Variants in NFIB observed in about 807,000 individuals in gnomAD.
NFIB encodes nuclear factor I B.
A neutral mutation model predicts 61.5 loss-of-function variants in NFIB; 11 were observed. That is an observed-to-expected ratio of 0.18 (90% confidence interval 0.11 to 0.30). The LOEUF (loss-of-function observed/expected upper bound fraction) is 0.30, where lower values mean the gene tolerates loss of function less well. NFIB is among the 10% of genes least tolerant of loss of function. NFIB has a pLI of 1.00. For missense variants in NFIB, 471 were observed against 608.9 expected, an observed-to-expected ratio of 0.77 and a Z score of 2.38; for synonymous variants, 260 against 216.5, an observed-to-expected ratio of 1.20 and a Z score of -1.76.
intron 2 of NFIB, among the ~76,000 whole-genome samples, chr9:14,231,298 G>C (rs1287457112): frequency 6.6e-6 from 1 of 151,608 alleles, no homozygotes; most frequent in Non-Finnish European, 1.5e-5. Context: ...GTGTGAGAGA[G>C]ACAGAGAGAG....
At chr9:14,184,842 G>A (rs2047169492) in intron 2 of NFIB, among the ~76,000 whole-genome samples, 1 of 152,106 alleles carries the variant, frequency 6.6e-6, no homozygotes, top group Admixed American at 6.6e-5. Context: ...CCAACGTGGT[G>A]AAACCCCGTC....
intron 1 of NFIB, among the ~76,000 whole-genome samples, chr9:14,360,069 A>G (rs2061220395): frequency 6.6e-6 from 1 of 152,262 alleles, no homozygotes; most frequent in Non-Finnish European, 1.5e-5. Flanking sequence ...TTAAATACAT[A>G]TAGTTGTTAT....
chr9:14,454,364 G>A, the NFIB span, among the ~76,000 whole-genome samples: 1 of 152,302 alleles, frequency 6.6e-6, no homozygotes, highest in African/African-American at 2.4e-5. Context: ...TGCTAATTCT[G>A]CTCATCTTGG....
chr9:14,467,053 A>C, the NFIB span, among the ~76,000 whole-genome samples: 7 of 152,286 alleles, frequency 4.6e-5, no homozygotes, highest in African/African-American at 1.7e-4. Flanking sequence ...GGGCAGGAGA[A>C]CCAGCAAAAG....
At chr9:14,470,170 G>A in the NFIB span, among the ~76,000 whole-genome samples, 1 of 152,158 alleles carries the variant, frequency 6.6e-6, no homozygotes, top group African/African-American at 2.4e-5. Flanking sequence ...GTTCATGCAG[G>A]TGAGGAGCTG....
At chr9:14,406,510 T>C in the NFIB span, among the ~76,000 whole-genome samples, 1 of 152,132 alleles carries the variant, frequency 6.6e-6, no homozygotes, top group Non-Finnish European at 1.5e-5. Context: ...GTGCTTTGAG[T>C]TCTCTTTCTT....
intron 10 of NFIB, among the ~76,000 whole-genome samples, chr9:14,098,851 G>A (rs2035290433): frequency 1.3e-5 from 2 of 152,194 alleles, no homozygotes; most frequent in African/African-American, 2.4e-5. Context: ...AAATTTTAAG[G>A]TCAAAACAAC....
intron 1 of NFIB, among the ~76,000 whole-genome samples, chr9:14,340,523 A>G (rs1219015055): frequency 6.6e-6 from 1 of 152,186 alleles, no homozygotes; most frequent in Non-Finnish European, 1.5e-5. Flanking sequence ...TGGGGTTGGG[A>G]GCCAACTCAG....
chr9:14,091,492 A>G (rs1201325330), intron 10 of NFIB, among the ~76,000 whole-genome samples: 1 of 152,092 alleles, frequency 6.6e-6, no homozygotes, highest in African/African-American at 2.4e-5. Context: ...AAAATGCTTA[A>G]TAGTTTTAAT....
the NFIB span, among the ~76,000 whole-genome samples, chr9:14,434,337 T>A: frequency 6.6e-6 from 1 of 152,170 alleles, no homozygotes; most frequent in Non-Finnish European, 1.5e-5. Flanking sequence ...CAATAATGGA[T>A]ATGGATTTCC....
At chr9:14,114,263 C>G (rs1450704158) in intron 9 of NFIB, among the ~76,000 whole-genome samples, 1 of 152,166 alleles carries the variant, frequency 6.6e-6, no homozygotes. Flanking sequence ...AGGCAGCCAT[C>G]AGCAACCAGT....
chr9:14,458,408 T>A, the NFIB span, among the ~76,000 whole-genome samples: 1 of 152,066 alleles, frequency 6.6e-6, no homozygotes, highest in Non-Finnish European at 1.5e-5. Flanking sequence ...ACAGCCAATA[T>A]CATACTGAAT....
chr9:14,100,897 T>G (rs2035679918), intron 10 of NFIB, among the ~76,000 whole-genome samples: 1 of 152,228 alleles, frequency 6.6e-6, no homozygotes, highest in African/African-American at 2.4e-5. Context: ...TGGTTTGCAA[T>G]TGTTATAAAT....
the NFIB span, among the ~76,000 whole-genome samples, chr9:14,529,602 T>C: frequency 2.0e-5 from 3 of 152,302 alleles, no homozygotes; most frequent in Admixed American, 6.5e-5. Flanking sequence ...AATGTATTAC[T>C]AAAGATAAGC....
the NFIB span, among the ~76,000 whole-genome samples, chr9:14,438,040 G>A: frequency 2.8e-4 from 42 of 151,500 alleles, 1 homozygote; most frequent in Middle Eastern, 0.017. Flanking sequence ...GCGCGTATGT[G>A]CGTGCGTGTG....
At chr9:14,466,326 CTT>C in the NFIB span, among the ~76,000 whole-genome samples, 1 of 152,110 alleles carries the variant, frequency 6.6e-6, no homozygotes, top group Admixed American at 6.6e-5. Context: ...GCGGACGTGT[CTT>C]TTCTTATTTT....
intron 1 of NFIB, among the ~76,000 whole-genome samples, chr9:14,354,647 T>A (rs1181176557): frequency 6.6e-6 from 1 of 152,160 alleles, no homozygotes; most frequent in Non-Finnish European, 1.5e-5. Flanking sequence ...GGGGAATAAT[T>A]ATGTAGTCGC....
rs540683703 is a variant in NFIB at position 14,162,869 on chromosome 9, G to A, written c.617-6976C>T. 2.6e-5 allele frequency among the ~76,000 whole-genome samples: 4 copies of A among 151,968 alleles called. No individual in the cohort carries two copies. The East Asian group carries it at 5.8e-4, about 22-fold the overall frequency. On this transcript the variant is annotated intron_variant, in intron 3 of 10. Transcript: ENST00000380953. Reference sequence around the variant, plus strand: ...CGTTATTTTACAGTTTACTAAGTGGGCTATGTTTATTTTTATGGCATAATA... The same window carrying A: ...CGTTATTTTACAGTTTACTAAGTGGACTATGTTTATTTTTATGGCATAATA...
chr9:14,375,880 C>T (rs940567032), intron 1 of NFIB, among the ~76,000 whole-genome samples: 1 of 152,260 alleles, frequency 6.6e-6, no homozygotes, highest in African/African-American at 2.4e-5. Context: ...ATATAACATC[C>T]TTAGAGCTGA....
Sources: gnomAD v4.1 joint callset for allele counts (sites outside exome capture counted in the v4.1 genomes callset) on GRCh38, gnomAD v4.1.1 for gene constraint, MANE v1.5 for transcripts, NCBI Gene and HGNC (gene_info 2026-07-23, HGNC 2026-07-21) for gene names.